CYTH3: variants seen among roughly 807,000 people sequenced by gnomAD.
CYTH3 encodes the protein cytohesin-3.
CYTH3 carries 23 observed loss-of-function variants against 55.1 expected under a neutral mutation model. The ratio of observed to expected loss-of-function variants is 0.42; its 90% CI spans 0.30 to 0.59. The LOEUF (loss-of-function observed/expected upper bound fraction) is 0.59. Ranked by LOEUF, CYTH3 falls within the 20% of genes least tolerant of loss-of-function variation. The probability of loss-of-function intolerance (pLI) is 0.20; values close to 1 mark genes in which losing one functional copy is unlikely to be tolerated. For synonymous variants in CYTH3, 249 were observed against 194.9 expected (o/e 1.28, Z -2.31); for missense variants, 413 against 524.8 (o/e 0.79, Z 2.08).
intron 1 of CYTH3, among the ~76,000 whole-genome samples, chr7:6,233,329 T>A (rs1464584884): frequency 6.6e-6 from 1 of 152,240 alleles, no homozygotes; most frequent in Non-Finnish European, 1.5e-5. Flanking sequence ...AGCTTTAGCT[T>A]TGACCCATAT....
intron 1 of CYTH3, among the ~76,000 whole-genome samples, chr7:6,242,340 T>C (rs1779695838): frequency 6.7e-6 from 1 of 149,994 alleles, no homozygotes; most frequent in Non-Finnish European, 1.5e-5. Flanking sequence ...CCTCCCAAAG[T>C]GCTGGGATTA....
At chr7:6,221,389 G>T (rs1245937403) in intron 1 of CYTH3, among the ~76,000 whole-genome samples, 1 of 152,174 alleles carries the variant, frequency 6.6e-6, no homozygotes, top group African/African-American at 2.4e-5. Context: ...GGTGGAAAAT[G>T]GATTAGTCAT....
chr7:6,236,149 C>T (rs567493730), intron 1 of CYTH3, among the ~76,000 whole-genome samples: 1 of 152,240 alleles, frequency 6.6e-6, no homozygotes, highest in African/African-American at 2.4e-5. Context: ...CATGCAGACA[C>T]AGACAAGGGT....
intron 1 of CYTH3, among the ~76,000 whole-genome samples, chr7:6,198,037 C>T (rs922591201): frequency 3.4e-5 from 5 of 145,836 alleles, no homozygotes; most frequent in African/African-American, 5.1e-5. Flanking sequence ...GAGGATGCAG[C>T]GAGCTATGAC....
chr7:6,198,560 T>C (rs921971767), intron 1 of CYTH3, among the ~76,000 whole-genome samples: 5 of 152,228 alleles, frequency 3.3e-5, no homozygotes, highest in African/African-American at 9.6e-5. Flanking sequence ...ATCAAAGTTA[T>C]CTAAGGCTTG....
Position 6,171,097 on chromosome 7 carries a change from G to A in CYTH3, c.562+105C>T. ...CCACAGGTCGTCCTCGCTCAGGGAA[G>A]GCAGGTCCCCAGGAACACACGCTGG... On this transcript the variant is annotated intron_variant, in intron 7 of 12. Transcript: ENST00000350796. The surrounding 1 kb of genome is among the most constrained non-coding windows in gnomAD (Gnocchi z 6.7). 1.3e-6 allele frequency: 2 copies of A among 1,584,120 alleles called. No homozygotes were observed. Among genetic ancestry groups the A allele is most frequent in the Non-Finnish European group, 1.7e-6 (2 of 1,157,226 alleles).
At chr7:6,263,026 G>A (rs186837163) in intron 1 of CYTH3, among the ~76,000 whole-genome samples, 2 of 151,680 alleles carry the variant, frequency 1.3e-5, no homozygotes, top group Non-Finnish European at 2.9e-5. Context: ...CCACTACCAA[G>A]CCAGAAACCT....
intron 1 of CYTH3, among the ~76,000 whole-genome samples, chr7:6,206,897 G>C (rs930108615): frequency 6.6e-6 from 1 of 152,014 alleles, no homozygotes; most frequent in Non-Finnish European, 1.5e-5. Flanking sequence ...GACAACGGGG[G>C]AGACGATTTT....
chr7:6,170,318 C>T lies in CYTH3; in HGVS notation c.823+217G>A. 3.5e-6 allele frequency: 2 copies of T among 569,762 alleles called. No individual in the cohort carries two copies. Among genetic ancestry groups the T allele is most frequent in the Middle Eastern group, 4.7e-4 (1 of 2,136 alleles). The allele number at this position is 569,762 out of a possible 1,614,324, so 35.3% of individuals were successfully genotyped here. A position where few individuals can be genotyped will look rare whatever the true frequency, so the allele number is the denominator to read the frequency against. The stretch of plus-strand genomic sequence containing the variant: ...TCTGGGACGGGCCGTGCAGCCTGGG[C>T]GCTACTCTCTGCCGCGGGCATGGCT... On this transcript the variant is annotated intron_variant, in intron 9 of 12. Coordinates refer to ENST00000350796, the MANE Select transcript of CYTH3 (RefSeq NM_004227.4). This position sits in a 1 kb window ranked among gnomAD's most constrained non-coding sequence, Gnocchi z 7.8.
At chr7:6,267,598 A>T (rs1036971531) in intron 1 of CYTH3, among the ~76,000 whole-genome samples, 4 of 152,184 alleles carry the variant, frequency 2.6e-5, no homozygotes, top group Non-Finnish European at 5.9e-5. Context: ...ATCTCGGCTC[A>T]TTGCAACCTC....
intron 1 of CYTH3, among the ~76,000 whole-genome samples, chr7:6,248,557 A>C (rs977512552): frequency 2.0e-5 from 3 of 152,154 alleles, no homozygotes; most frequent in Non-Finnish European, 2.9e-5. Context: ...GGCGCCCAGG[A>C]GAAGCTCTAG....
intron 1 of CYTH3, among the ~76,000 whole-genome samples, chr7:6,208,756 G>C (rs978901276): frequency 1.3e-5 from 2 of 152,168 alleles, no homozygotes; most frequent in African/African-American, 4.8e-5. Context: ...GCCCAGGCTG[G>C]TCTGAAGCGA....
chr7:6,215,650 A>T (rs981545865), intron 1 of CYTH3, among the ~76,000 whole-genome samples: 5 of 152,040 alleles, frequency 3.3e-5, no homozygotes, highest in Admixed American at 2.0e-4. Flanking sequence ...AACATTTTTT[A>T]ATAGGTGAAA....
rs560194669 is a variant in CYTH3 at position 6,190,329 on chromosome 7, T to C, written c.117+120A>G. On this transcript the variant is annotated intron_variant, in intron 2 of 12. Coordinates refer to ENST00000350796, the MANE Select transcript of CYTH3 (RefSeq NM_004227.4). Reference sequence around the variant, plus strand: ...ACACACTAAACATCTTTTTTTTTTGTTATTTTTTGTTTTTGGGTTTTTTTT... The same window carrying C: ...ACACACTAAACATCTTTTTTTTTTGCTATTTTTTGTTTTTGGGTTTTTTTT... The C allele has an allele frequency of 5.7e-5, 49 of 859,780 alleles. 1 individual carries two copies. The East Asian group carries it at 1.1e-3, about 19-fold the overall frequency. 53.3% of individuals were successfully genotyped at this position (859,780 alleles called of 1,614,324 possible). A position where few individuals can be genotyped will look rare whatever the true frequency, so the allele number is the denominator to read the frequency against.
chr7:6,209,005 T>G (rs1408627043), intron 1 of CYTH3, among the ~76,000 whole-genome samples: 1 of 152,236 alleles, frequency 6.6e-6, no homozygotes, highest in Non-Finnish European at 1.5e-5. Flanking sequence ...CAAATGACTT[T>G]GTTGAACAGG....
intron 4 of CYTH3, among the ~76,000 whole-genome samples, chr7:6,185,153 A>G (rs1783603489): frequency 6.6e-6 from 1 of 152,116 alleles, no homozygotes; most frequent in African/African-American, 2.4e-5. Flanking sequence ...CAAAATTGAC[A>G]ATTTTCATTC....
chr7:6,165,691 C>T (rs373659033), intron 10 of CYTH3, 43 bp downstream of exon 10: 14 of 1,613,492 alleles, frequency 8.7e-6, no homozygotes, highest in Middle Eastern at 1.6e-4. Flanking sequence ...AGGGCAGCTC[C>T]GGGACTGCTG....
intron 1 of CYTH3, among the ~76,000 whole-genome samples, chr7:6,238,042 A>T (rs1779572267): frequency 1.3e-5 from 2 of 152,188 alleles, no homozygotes. Flanking sequence ...TAACATTCTA[A>T]TTTATAGAAG....
chr7:6,269,546 C>G (rs7780702), intron 1 of CYTH3, among the ~76,000 whole-genome samples: 14,488 of 150,608 alleles, frequency 0.096, 936 homozygotes, highest in African/African-American at 0.17. Context: ...AAACAGGACA[C>G]GAAGACAATC....
Sources: allele counts gnomAD v4.1 joint callset (sites outside exome capture counted in the v4.1 genomes callset), GRCh38; gene constraint gnomAD v4.1.1; non-coding constraint Gnocchi (gnomAD v3.1); transcripts MANE v1.5; gene names NCBI Gene and HGNC (gene_info 2026-07-23, HGNC 2026-07-21).